NMBR: variants seen among roughly 807,000 people sequenced by gnomAD.
NMBR encodes the protein neuromedin B receptor, also known as neuromedin-B receptor.
Under a neutral mutation model 20.5 loss-of-function variants are expected in NMBR, and 16 were observed. The observed-to-expected ratio is 0.78, with a 90% CI of 0.53 to 1.19. The LOEUF (loss-of-function observed/expected upper bound fraction) is 1.19. NMBR is among the 50% of genes most tolerant of loss of function. The probability of loss-of-function intolerance (pLI) is 0.00; values close to 1 mark genes in which losing one functional copy is unlikely to be tolerated. For synonymous variants in NMBR, 212 were observed against 196.6 expected (o/e 1.08, Z -0.65); for missense variants, 582 against 499.1 (o/e 1.17, Z -1.58).
chr6:142,089,851 A>C (rs1777289068), intron 1 of NMBR, among the ~76,000 whole-genome samples: 2 of 152,140 alleles, frequency 1.3e-5, no homozygotes, highest in South Asian at 4.1e-4. Flanking sequence ...ATTCTTTTAC[A>C]TGTGTTCAGG....
At chr6:142,133,107 A>C (rs2114608428) in intron 1 of NMBR, 1 of 628,746 alleles carries the variant, frequency 1.6e-6, no homozygotes, top group South Asian at 1.8e-5. Flanking sequence ...CAAACTGGCA[A>C]TGTGGGTCAA....
At chr6:142,132,736 A>C (rs183000005) in intron 1 of NMBR, among the ~76,000 whole-genome samples, 19 of 152,322 alleles carry the variant, frequency 1.2e-4, no homozygotes, top group Admixed American at 1.0e-3. Context: ...GATTACTTCA[A>C]CATTATCAGA....
chr6:142,087,399 C>T (rs1011643107), intron 2 of NMBR, among the ~76,000 whole-genome samples: 5 of 152,236 alleles, frequency 3.3e-5, no homozygotes, highest in Non-Finnish European at 7.4e-5. Flanking sequence ...TTTTTCCCCA[C>T]CCCTATCCAA....
At chr6:142,084,337 A>G (rs1218577801) in intron 2 of NMBR, among the ~76,000 whole-genome samples, 1 of 152,214 alleles carries the variant, frequency 6.6e-6, no homozygotes, top group Non-Finnish European at 1.5e-5. Flanking sequence ...CCTAACCAGC[A>G]CTCAAAAACT....
intron 1 of NMBR, among the ~76,000 whole-genome samples, chr6:142,102,351 C>T (rs1777580536): frequency 6.7e-6 from 1 of 148,186 alleles, no homozygotes; most frequent in East Asian, 2.0e-4. Context: ...GATTGGGCCA[C>T]TGCACTCCAG....
At chr6:142,146,191 G>A (rs2114619780) in intron 1 of NMBR, among the ~76,000 whole-genome samples, 1 of 152,284 alleles carries the variant, frequency 6.6e-6, no homozygotes, top group East Asian at 1.9e-4. Context: ...TTGCAAATAG[G>A]TCTAGGCAAC....
chr6:142,076,891 G>A (rs1263035773), intron 3 of NMBR, among the ~76,000 whole-genome samples: 1 of 152,152 alleles, frequency 6.6e-6, no homozygotes, highest in Non-Finnish European at 1.5e-5. Context: ...AATACTACTG[G>A]TCGTCAACTA....
chr6:142,121,681 C>T (rs1304344099), intron 1 of NMBR, among the ~76,000 whole-genome samples: 2 of 151,706 alleles, frequency 1.3e-5, no homozygotes, highest in African/African-American at 4.8e-5. Context: ...ACAACAGAAA[C>T]CTTTTATTCC....
At chr6:142,088,107 T>C (rs761072515) in intron 2 of NMBR, 130 bp downstream of exon 2, 6 of 815,164 alleles carry the variant, frequency 7.4e-6, no homozygotes, top group Non-Finnish European at 1.2e-5. Context: ...ACACACTCTC[T>C]CCCTCTCTTC....
At chr6:142,121,792 A>G (rs1470602721) in intron 1 of NMBR, among the ~76,000 whole-genome samples, 2 of 151,742 alleles carry the variant, frequency 1.3e-5, no homozygotes, top group African/African-American at 2.4e-5. Context: ...TTACCTAACT[A>G]TATACTTGTA....
intron 1 of NMBR, among the ~76,000 whole-genome samples, chr6:142,126,557 A>T (rs1030550880): frequency 3.3e-5 from 5 of 151,730 alleles, no homozygotes; most frequent in African/African-American, 1.2e-4. Context: ...CCTTTTCTCT[A>T]CATCTTACCA....
chr6:142,078,426 C>T, intron 3 of NMBR, 129 bp downstream of exon 3: 2 of 603,208 alleles, frequency 3.3e-6, no homozygotes, highest in Non-Finnish European at 5.8e-6. Context: ...CATATCCCTT[C>T]TAGTTAAGGC....
chr6:142,091,182 T>C (rs958044271), intron 1 of NMBR, among the ~76,000 whole-genome samples: 6 of 152,324 alleles, frequency 3.9e-5, no homozygotes, highest in African/African-American at 1.2e-4. Context: ...ATTAATAGAA[T>C]GCACACACAT....
intron 1 of NMBR, among the ~76,000 whole-genome samples, chr6:142,113,524 C>T (rs1413730146): frequency 6.6e-6 from 1 of 152,054 alleles, no homozygotes; most frequent in East Asian, 1.9e-4. Context: ...CTTTCATCAC[C>T]TTTCTGTAGG....
chr6:142,075,955 C>T lies in NMBR; in HGVS notation c.866G>A (p.Arg289Gln), dbSNP rs771956710. 23 of 1,613,448 alleles carry T rather than the reference C, an allele frequency of 1.4e-5. No homozygotes were observed. In the Admixed American group the frequency reaches 3.2e-4, roughly 22 times the overall value. ...WFPNHILYMY[R>Q]SFNYNEIDPS... Reference sequence around the variant, plus strand: ...ATCAATCTCATTATAGTTGAAAGACCGATACATGTAAAGGATGTGGTTTGG... The same window carrying T: ...ATCAATCTCATTATAGTTGAAAGACTGATACATGTAAAGGATGTGGTTTGG... Residue 289 changes from arginine to glutamine, a missense_variant, in exon 4 of 4, where the codon CGG (arginine) becomes CAG (glutamine). By Grantham distance (43) the Arg-to-Gln change is conservative (BLOSUM62 1). Coordinates refer to ENST00000258042, the MANE Select transcript of NMBR (RefSeq NM_002511.4).
intron 1 of NMBR, among the ~76,000 whole-genome samples, chr6:142,122,430 A>G (rs1352041334): frequency 6.6e-6 from 1 of 152,006 alleles, no homozygotes; most frequent in East Asian, 1.9e-4. Context: ...TGCAAGATGA[A>G]GTAGCAAGTG....
intron 1 of NMBR, among the ~76,000 whole-genome samples, chr6:142,089,973 C>T (rs1777291356): frequency 6.6e-6 from 1 of 152,034 alleles, no homozygotes; most frequent in East Asian, 1.9e-4. Flanking sequence ...CTTATTTTTT[C>T]TTTTGGAACC....
At chr6:142,114,505 T>C (rs1248905104) in intron 1 of NMBR, among the ~76,000 whole-genome samples, 1 of 152,156 alleles carries the variant, frequency 6.6e-6, no homozygotes, top group Non-Finnish European at 1.5e-5. Context: ...GAGACTCCTA[T>C]ATTCCTCATA....
intron 1 of NMBR, among the ~76,000 whole-genome samples, chr6:142,104,902 G>A (rs975517272): frequency 6.6e-6 from 1 of 152,224 alleles, no homozygotes; most frequent in Non-Finnish European, 1.5e-5. Flanking sequence ...GTCAGCAAAG[G>A]GTGGTGGGAT....
Sources: allele counts gnomAD v4.1 joint callset (sites outside exome capture counted in the v4.1 genomes callset), GRCh38; gene constraint gnomAD v4.1.1; transcripts MANE v1.5; gene names NCBI Gene and HGNC (gene_info 2026-07-23, HGNC 2026-07-21).